The following ARHGAP42 variants were observed in gnomAD, a reference collection of about 807,000 sequenced individuals.
ARHGAP42 encodes rho GTPase-activating protein 42.
In ARHGAP42, 63 loss-of-function variants were observed where a neutral mutation model predicts 125.0. The observed-to-expected ratio is 0.50, with a 90% confidence interval of 0.41 to 0.62. The LOEUF (loss-of-function observed/expected upper bound fraction) is 0.62. ARHGAP42 is among the 20% of genes least tolerant of loss of function. The pLI, the probability that ARHGAP42 is intolerant of heterozygous loss-of-function variation, is 0.00. For synonymous variants in ARHGAP42, 339 were observed against 351.0 expected, an observed-to-expected ratio of 0.97 and a Z score of 0.38; for missense variants, 766 against 1,024.2, an observed-to-expected ratio of 0.75 and a Z score of 3.44.
chr11:100,801,342 A>G (rs1029822135), intron 3 of ARHGAP42, among the ~76,000 whole-genome samples: 17 of 152,178 alleles, frequency 1.1e-4, no homozygotes, highest in African/African-American at 2.7e-4. Context: ...TTGATAAATC[A>G]TGAGTATTAT....
At chr11:100,908,626 T>C (rs896788217) in intron 4 of ARHGAP42, among the ~76,000 whole-genome samples, 1 of 152,204 alleles carries the variant, frequency 6.6e-6, no homozygotes, top group African/African-American at 2.4e-5. Context: ...ATATCACATT[T>C]ATAAAATCCA....
intron 3 of ARHGAP42, among the ~76,000 whole-genome samples, chr11:100,837,969 T>G (rs1864855293): frequency 6.7e-6 from 1 of 150,212 alleles, no homozygotes; most frequent in Non-Finnish European, 1.5e-5. Context: ...ACAGGTCCTG[T>G]GCTAACCTGT....
At chr11:100,930,924 T>A (rs1401770858) in intron 6 of ARHGAP42, among the ~76,000 whole-genome samples, 2 of 152,172 alleles carry the variant, frequency 1.3e-5, no homozygotes, top group African/African-American at 4.8e-5. Flanking sequence ...ACATTGACAT[T>A]CCTTATCCAA....
chr11:100,714,387 A>C (rs1861616827), intron 1 of ARHGAP42, among the ~76,000 whole-genome samples: 1 of 98,210 alleles, frequency 1.0e-5, no homozygotes, highest in Middle Eastern at 5.5e-3. Flanking sequence ...AAACATAAAA[A>C]TTTGTGTGTG....
chr11:100,808,693 C>G (rs1420607712), intron 3 of ARHGAP42, among the ~76,000 whole-genome samples: 3 of 152,100 alleles, frequency 2.0e-5, no homozygotes, highest in Non-Finnish European at 4.4e-5. Context: ...GCGTGAGCCA[C>G]CGCGCCCGGC....
At chr11:100,794,011 A>G (rs1380209214) in intron 2 of ARHGAP42, among the ~76,000 whole-genome samples, 1 of 135,332 alleles carries the variant, frequency 7.4e-6, no homozygotes, top group Non-Finnish European at 1.5e-5. Flanking sequence ...TGAGCCTGGG[A>G]GATCGAGGCT....
rs994123531 is a variant in ARHGAP42 at position 100,756,912 on chromosome 11, T to G, written c.155-13431T>G. On this transcript the variant is annotated intron_variant, in intron 1 of 23. Coordinates refer to ENST00000298815, the MANE Select transcript of ARHGAP42 (RefSeq NM_152432.4). Reference sequence around the variant, plus strand: ...TGAGTTTTACTTTGTGCTTAGTTTTTAGAATAAAAGATTGAGATTTATTTT... The same window carrying G: ...TGAGTTTTACTTTGTGCTTAGTTTTGAGAATAAAAGATTGAGATTTATTTT... Among the ~76,000 whole-genome samples the G allele has an allele frequency of 3.3e-5, 5 of 152,230 alleles. 1 individual carries two copies. In the South Asian group the frequency reaches 1.0e-3, roughly 31 times the overall value.
At chr11:100,828,336 CA>C (rs1275860217) in intron 3 of ARHGAP42, among the ~76,000 whole-genome samples, 1 of 152,036 alleles carries the variant, frequency 6.6e-6, no homozygotes, top group African/African-American at 2.4e-5. Context: ...TTCTTTATTT[CA>C]AGCCCTCAGA....
intron 2 of ARHGAP42, among the ~76,000 whole-genome samples, chr11:100,774,054 A>G (rs1304215652): frequency 1.3e-5 from 2 of 152,242 alleles, no homozygotes; most frequent in Non-Finnish European, 2.9e-5. Flanking sequence ...AAATATAGAT[A>G]TGTTTCAATA....
chr11:100,826,060 A>G (rs1591213217), intron 3 of ARHGAP42, among the ~76,000 whole-genome samples: 1 of 152,066 alleles, frequency 6.6e-6, no homozygotes, highest in South Asian at 2.1e-4. Flanking sequence ...AGCTGGTAAA[A>G]TGCTGTTTTT....
chr11:100,951,353 A>T (rs1857646419), intron 12 of ARHGAP42, among the ~76,000 whole-genome samples: 1 of 152,196 alleles, frequency 6.6e-6, no homozygotes, highest in African/African-American at 2.4e-5. Flanking sequence ...CTAATCACAG[A>T]TACATTAACC....
chr11:100,711,029 A>G (rs1861557484), intron 1 of ARHGAP42, among the ~76,000 whole-genome samples: 1 of 152,182 alleles, frequency 6.6e-6, no homozygotes. Context: ...GTACTTTGCC[A>G]TGTACACATT....
chr11:100,980,006 T>C (rs1858490481), intron 22 of ARHGAP42, among the ~76,000 whole-genome samples: 1 of 152,222 alleles, frequency 6.6e-6, no homozygotes, highest in Non-Finnish European at 1.5e-5. Flanking sequence ...GTACTGGGCA[T>C]GTGATAGTTA....
chr11:100,987,806 A>AAAATAAATAAATAAATAAATAAATAAAT (rs5794089), intron 23 of ARHGAP42, among the ~76,000 whole-genome samples: 3 of 142,472 alleles, frequency 2.1e-5, no homozygotes, highest in Non-Finnish European at 4.6e-5. Flanking sequence ...CCCAACCCAC[A>AAAATAAATAAATAAATAAATAAATAAAT]AAATAAATAA....
At chr11:100,715,006 A>T (rs905068466) in intron 1 of ARHGAP42, among the ~76,000 whole-genome samples, 1 of 138,226 alleles carries the variant, frequency 7.2e-6, no homozygotes, top group Non-Finnish European at 1.5e-5. Context: ...CTGTGATTGC[A>T]CCACTTCACC....
At chr11:100,970,038 G>A (rs753694012) in intron 17 of ARHGAP42, among the ~76,000 whole-genome samples, 22 of 151,878 alleles carry the variant, frequency 1.4e-4, no homozygotes, top group Non-Finnish European at 2.5e-4. Flanking sequence ...ACCCAGGCTG[G>A]AGTGCAGTGG....
intron 1 of ARHGAP42, among the ~76,000 whole-genome samples, chr11:100,737,131 G>T (rs1178914249): frequency 1.3e-5 from 2 of 152,210 alleles, no homozygotes; most frequent in Non-Finnish European, 2.9e-5. Context: ...ATTCTTATTT[G>T]TGAACAAGTG....
chr11:100,874,604 A>G (rs528422375), intron 4 of ARHGAP42, among the ~76,000 whole-genome samples: 4 of 152,188 alleles, frequency 2.6e-5, no homozygotes, highest in Non-Finnish European at 5.9e-5. Context: ...TGGAGTTCAC[A>G]GATGAGCCTC....
chr11:100,927,644 A>G (rs1359547083), intron 6 of ARHGAP42, among the ~76,000 whole-genome samples: 1 of 152,154 alleles, frequency 6.6e-6, no homozygotes, highest in Non-Finnish European at 1.5e-5. Context: ...TACTTTCTCT[A>G]TTACAATTGA....
Sources: allele counts gnomAD v4.1 joint callset (sites outside exome capture counted in the v4.1 genomes callset), GRCh38; gene constraint gnomAD v4.1.1; transcripts MANE v1.5; gene names NCBI Gene and HGNC (gene_info 2026-07-23, HGNC 2026-07-21).